The following CDH12 variants were observed in gnomAD, a reference collection of about 807,000 sequenced individuals.
CDH12 encodes the protein cadherin 12, also known as cadherin-12.
In CDH12, 41 loss-of-function variants were observed where a neutral mutation model predicts 74.1. The ratio of observed to expected loss-of-function variants is 0.55; its 90% CI spans 0.43 to 0.72. CDH12 has a LOEUF of 0.72. CDH12 is among the 30% of genes least tolerant of loss of function. The pLI is 0.00. For synonymous variants in CDH12, 399 were observed against 355.0 expected (o/e 1.12, Z -1.39); for missense variants, 945 against 977.2 (o/e 0.97, Z 0.44).
In CDH12 at chr5:21,968,652, T is replaced by G. The variant is rs541265287; in HGVS notation, c.526+6439A>C. Among the ~76,000 whole-genome samples, 31 of 152,306 alleles carry G rather than the reference T, an allele frequency of 2.0e-4. No individual in the cohort carries two copies. In the South Asian group the frequency reaches 4.6e-3, roughly 22 times the overall value. On this transcript the variant is annotated intron_variant, in intron 6 of 14. Coordinates refer to ENST00000382254, the MANE Select transcript of CDH12 (RefSeq NM_004061.5). Reference sequence around the variant, plus strand: ...CTTTTAGTCTGTGCATTTTCCCATTTTTTTCAACAGGAATGTCTAGAGATA... The same window carrying G: ...CTTTTAGTCTGTGCATTTTCCCATTGTTTTCAACAGGAATGTCTAGAGATA...
chr5:21,911,330 A>AT (rs1264854734), intron 6 of CDH12, among the ~76,000 whole-genome samples: 1 of 152,116 alleles, frequency 6.6e-6, no homozygotes, highest in Non-Finnish European at 1.5e-5. Context: ...CTCATTACTT[A>AT]TTTTTAAGAA....
chr5:22,282,390 A>G (rs532312335), intron 3 of CDH12, among the ~76,000 whole-genome samples: 7 of 152,226 alleles, frequency 4.6e-5, no homozygotes, highest in Non-Finnish European at 8.8e-5. Flanking sequence ...CAAAATTGAT[A>G]AATGGGATCC....
At chr5:22,156,501 A>G (rs1748031053) in intron 4 of CDH12, among the ~76,000 whole-genome samples, 1 of 152,160 alleles carries the variant, frequency 6.6e-6, no homozygotes, top group African/African-American at 2.4e-5. Flanking sequence ...TCGTATATAC[A>G]TATACTTAAA....
At chr5:21,784,054 T>C (rs1372710561) in intron 10 of CDH12, among the ~76,000 whole-genome samples, 1 of 152,180 alleles carries the variant, frequency 6.6e-6, no homozygotes, top group Non-Finnish European at 1.5e-5. Context: ...TATTTTGTTG[T>C]TTCATTGATG....
chr5:22,563,914 C>T (rs1739177137), intron 1 of CDH12, among the ~76,000 whole-genome samples: 1 of 152,116 alleles, frequency 6.6e-6, no homozygotes, highest in African/African-American at 2.4e-5. Context: ...TGAGAAAGAC[C>T]TACCCCCATG....
At chr5:22,675,300 T>C (rs999482350) in intron 1 of CDH12, among the ~76,000 whole-genome samples, 1 of 152,060 alleles carries the variant, frequency 6.6e-6, no homozygotes, top group African/African-American at 2.4e-5. Context: ...CTTCAGAGGG[T>C]GGAAGCCCCA....
chr5:22,458,973 T>C (rs1434660312), intron 2 of CDH12, among the ~76,000 whole-genome samples: 1 of 152,182 alleles, frequency 6.6e-6, no homozygotes, highest in Non-Finnish European at 1.5e-5. Context: ...ATCCATTTAA[T>C]AGCACTATAA....
intron 1 of CDH12, among the ~76,000 whole-genome samples, chr5:22,619,601 G>A (rs571352285): frequency 4.6e-5 from 7 of 151,606 alleles, no homozygotes; most frequent in Non-Finnish European, 1.0e-4. Flanking sequence ...CATTTGCCTT[G>A]TCTAAAAATA....
intron 11 of CDH12, among the ~76,000 whole-genome samples, chr5:21,771,464 T>G (rs1177752081): frequency 5.3e-5 from 8 of 152,206 alleles, no homozygotes; most frequent in Non-Finnish European, 5.9e-5. Flanking sequence ...AAAGATAATT[T>G]CTTCACCAAT....
intron 6 of CDH12, among the ~76,000 whole-genome samples, chr5:21,862,912 T>C (rs1424427521): frequency 3.3e-5 from 5 of 152,240 alleles, no homozygotes; most frequent in Admixed American, 2.0e-4. Context: ...AAAGCTGAAA[T>C]GAATCCTGTC....
At chr5:21,952,521 T>C (rs1469744305) in intron 6 of CDH12, among the ~76,000 whole-genome samples, 1 of 152,218 alleles carries the variant, frequency 6.6e-6, no homozygotes, top group Admixed American at 6.5e-5. Context: ...AACTTTCGCA[T>C]CTTGTCTTCC....
chr5:21,838,994 C>G (rs1328840333), intron 8 of CDH12, among the ~76,000 whole-genome samples: 1 of 152,154 alleles, frequency 6.6e-6, no homozygotes, highest in Admixed American at 6.6e-5. Flanking sequence ...AATACACTGG[C>G]TATTTCCTAC....
intron 5 of CDH12, among the ~76,000 whole-genome samples, chr5:21,979,474 CA>C (rs1757214147): frequency 6.6e-6 from 1 of 152,144 alleles, no homozygotes; most frequent in Non-Finnish European, 1.5e-5. Context: ...AGAATGTAAG[CA>C]AATCTTTCAT....
chr5:22,779,871 T>A (rs142019226), intron 1 of CDH12, among the ~76,000 whole-genome samples: 34 of 152,302 alleles, frequency 2.2e-4, no homozygotes, highest in African/African-American at 8.2e-4. Flanking sequence ...GAGAACCAAC[T>A]AATACACTGG....
intron 3 of CDH12, among the ~76,000 whole-genome samples, chr5:22,271,604 A>G (rs1238402528): frequency 6.6e-6 from 1 of 152,204 alleles, no homozygotes; most frequent in African/African-American, 2.4e-5. Context: ...CTATGAAACT[A>G]TAGCCTTATG....
At chr5:22,718,040 C>T (rs1333755123) in intron 1 of CDH12, among the ~76,000 whole-genome samples, 1 of 152,126 alleles carries the variant, frequency 6.6e-6, no homozygotes, top group Non-Finnish European at 1.5e-5. Flanking sequence ...ATTCTGTGTG[C>T]CTCATGCATT....
intron 5 of CDH12, among the ~76,000 whole-genome samples, chr5:22,008,505 A>G (rs1737098363): frequency 6.6e-6 from 1 of 152,316 alleles, no homozygotes; most frequent in Middle Eastern, 3.4e-3. Flanking sequence ...CTGGGATTAC[A>G]GGCGTGAGCC....
At position 22,516,199 on chromosome 5, in the gene CDH12, T is replaced by C. The variant is rs190692912; in HGVS notation, c.-522-10835A>G. On this transcript the variant is annotated intron_variant, in intron 1 of 14. Transcript: ENST00000382254. ...CCAATGTTGAGAATGTGGCAAACAA[T>C]TGAATATTCATATAATACTGACAAA... Among the ~76,000 whole-genome samples the C allele has an allele frequency of 2.9e-4, 44 of 152,226 alleles. 1 individual carries two copies. Among genetic ancestry groups the C allele is most frequent in the Admixed American group, 2.4e-3 (36 of 15,284 alleles).
At chr5:22,153,901 T>TACACACACACAC (rs1448948559) in intron 4 of CDH12, among the ~76,000 whole-genome samples, 4 of 54,560 alleles carry the variant, frequency 7.3e-5, no homozygotes, top group Non-Finnish European at 1.6e-4. Flanking sequence ...TATATATATA[T>TACACACACACAC]ATACACACAC....
Sources: allele counts gnomAD v4.1 joint callset (sites outside exome capture counted in the v4.1 genomes callset), GRCh38; gene constraint gnomAD v4.1.1; transcripts MANE v1.5; gene names NCBI Gene and HGNC (gene_info 2026-07-23, HGNC 2026-07-21).